HEMK1: variants seen among roughly 807,000 people sequenced by gnomAD.
HEMK1 encodes the protein HemK methyltransferase 1, mitochondrial release factors N(5)-glutamine, also known as MTRF1L release factor glutamine methyltransferase.
A neutral mutation model predicts 47.9 loss-of-function variants in HEMK1; 36 were observed. The observed-to-expected ratio is 0.75, with a 90% CI of 0.58 to 0.99. The LOEUF (loss-of-function observed/expected upper bound fraction) is 0.99. Among genes scored for constraint, HEMK1 ranks in the 50% least tolerant of loss-of-function variants. The pLI is 0.00. For synonymous variants in HEMK1, 153 were observed against 165.4 expected (o/e 0.93, Z 0.57); for missense variants, 383 against 434.5 (o/e 0.88, Z 1.05).
Position 50,586,276 on chromosome 3 carries a change from A to G in HEMK1, c.*5859A>G, listed in dbSNP as rs1016444133. On this transcript the variant is annotated 3_prime_UTR_variant, in exon 11 of 11. Transcript: ENST00000232854. Reference sequence around the variant, plus strand: ...AGAGGCCCCTTTTCTTCCAAAGACTACCTCTCACACATACAGCAGTCCTGC... The same window carrying G: ...AGAGGCCCCTTTTCTTCCAAAGACTGCCTCTCACACATACAGCAGTCCTGC... The G allele has an allele frequency of 6.6e-6, 1 of 152,204 alleles. No individual in the cohort carries two copies. The highest frequency in any genetic ancestry group is 1.5e-5 in the Non-Finnish European group (1 of 68,026). The allele number at this position is 152,204 out of a possible 1,614,324, so 9.4% of individuals were successfully genotyped here.
rs946964026 is a variant in HEMK1 at position 50,584,834 on chromosome 3, T to C, written c.*4417T>C. The C allele has an allele frequency of 6.6e-6, 1 of 152,230 alleles. No individual in the cohort carries two copies. Among genetic ancestry groups the C allele is most frequent in the Non-Finnish European group, 1.5e-5 (1 of 68,044 alleles). 9.4% of individuals were successfully genotyped at this position (152,230 alleles called of 1,614,324 possible). A position where few individuals can be genotyped will look rare whatever the true frequency, so the allele number is the denominator to read the frequency against. On this transcript the variant is annotated 3_prime_UTR_variant, in exon 11 of 11. Transcript: ENST00000232854. Reference sequence around the variant, plus strand: ...TGTGGTGCCCAAATTAGAGTGCTGCTGTAACACACGCCTACTGATTGAAGT... The same window carrying C: ...TGTGGTGCCCAAATTAGAGTGCTGCCGTAACACACGCCTACTGATTGAAGT...
In HEMK1 at chr3:50,571,799, G is replaced by T; in HGVS notation, c.318G>T (p.Gln106His). The part of the protein sequence containing the change: ...CIRELSSRRL[Q>H]RMPVQYILGE... ...GGGAGCTGAGTAGCCGTCGATTGCA[G>T]AGGTGAGCACCCATGGATCAGACCT... The change falls in exon 3 of 11, where the codon CAG (glutamine) becomes CAT (histidine). Residue 106 changes from glutamine (Q) to histidine (H), a missense_variant and splice_region_variant. Physicochemically the swap from Gln to His is conservative, Grantham distance 24 (BLOSUM62 0). Coordinates refer to ENST00000232854, the MANE Select transcript of HEMK1 (RefSeq NM_016173.5). 1 of 1,613,818 alleles carries T rather than the reference G, an allele frequency of 6.2e-7. No individual in the cohort carries two copies. The highest frequency in any genetic ancestry group is 8.5e-7 in the Non-Finnish European group (1 of 1,179,686).
chr3:50,584,765 T>C lies in HEMK1; in HGVS notation c.*4348T>C, dbSNP rs12496028. On this transcript the variant is annotated 3_prime_UTR_variant, in exon 11 of 11. Transcript: ENST00000232854. The stretch of plus-strand genomic sequence containing the variant: ...TTGTTTTCACATGTGTGAAAACACA[T>C]GTGTGATAATTTGTTACAGCAGCCA... The C allele has an allele frequency of 1.5e-5, 2 of 137,006 alleles. No homozygotes were observed. The highest frequency in any genetic ancestry group is 4.2e-4 in the East Asian group (1 of 2,364). The allele number at this position is 137,006 out of a possible 1,614,324, so 8.5% of individuals were successfully genotyped here. A position where few individuals can be genotyped will look rare whatever the true frequency, so the allele number is the denominator to read the frequency against.
chr3:50,572,788 G>A (rs1701155611), intron 4 of HEMK1, among the ~76,000 whole-genome samples: 1 of 152,282 alleles, frequency 6.6e-6, no homozygotes, highest in Non-Finnish European at 1.5e-5. Context: ...TGTGGCGCAA[G>A]TGTGTTATCC....
rs1433134202 is a variant in HEMK1, at chr3:50,581,150, TG to T, written c.*737del. ...AAACATCCCTCCCGAGTTGACCCCC[TG>T]GGGTTTCAAATAACCCATGTGTCCC... On this transcript the variant is annotated 3_prime_UTR_variant, in exon 11 of 11. Coordinates refer to ENST00000232854, the MANE Select transcript of HEMK1 (RefSeq NM_016173.5). 2.0e-5 allele frequency: 3 copies of T among 152,252 alleles called. No homozygotes were observed. The East Asian group carries it at 5.8e-4, about 29-fold the overall frequency. The allele number at this position is 152,252 out of a possible 1,614,324, so 9.4% of individuals were successfully genotyped here. A position where few individuals can be genotyped will look rare whatever the true frequency, so the allele number is the denominator to read the frequency against.
chr3:50,579,781 G>A, intron 8 of HEMK1, 63 bp from the exon 9 acceptor site: 2 of 1,214,096 alleles, frequency 1.6e-6, no homozygotes, highest in East Asian at 2.4e-5. Context: ...CCTTGCCCAT[G>A]CCCTCCATGC....
chr3:50,572,261 C>G, intron 4 of HEMK1, 53 bp downstream of exon 4: 1 of 1,573,090 alleles, frequency 6.4e-7, no homozygotes. Flanking sequence ...GAGTTCAGGG[C>G]ACCAGTCTTA....
chr3:50,572,569 T>G (rs1007545313), intron 4 of HEMK1, among the ~76,000 whole-genome samples: 1 of 152,272 alleles, frequency 6.6e-6, no homozygotes, highest in South Asian at 2.1e-4. Flanking sequence ...TCAGGAGGCA[T>G]GGAGGAAGTG....
Position 50,570,919 on chromosome 3 carries a change from TCTCA to T in HEMK1, c.-174-8_-174-5del. ...AAGGCTCACCTGCTTTCCTGGTTCC[TCTCA>T]CTCCCAGGGTGGCAACCAACTATAT... On this transcript the variant is annotated splice_polypyrimidine_tract_variant and splice_region_variant and intron_variant, in intron 1 of 10. Transcript: ENST00000232854. 2.0e-6 allele frequency: 1 copy of T among 491,726 alleles called. No homozygotes were observed. Among genetic ancestry groups the T allele is most frequent in the East Asian group, 3.4e-5 (1 of 29,656 alleles). 30.5% of individuals were successfully genotyped at this position (491,726 alleles called of 1,614,324 possible).
chr3:50,576,341 G>A (rs555145389), intron 4 of HEMK1, among the ~76,000 whole-genome samples: 1 of 152,332 alleles, frequency 6.6e-6, no homozygotes, highest in African/African-American at 2.4e-5. Context: ...ATTAATACAG[G>A]AAAAACTCTG....
At position 50,571,157 on chromosome 3, in the gene HEMK1, G is replaced by A. The variant is rs1575887151; in HGVS notation, c.53G>A (p.Arg18Lys). Reference sequence around the variant, plus strand: ...GCCCTCCTGTCTGGCCCAGGGAGGAGGGGAAGTACCCGGGGCTGGGCCTTC... The same window carrying A: ...GCCCTCCTGTCTGGCCCAGGGAGGAAGGGAAGTACCCGGGGCTGGGCCTTC... ...LWALLSGPGR[R>K]GSTRGWAFSS... The change falls in exon 2 of 11, where the codon AGG (arginine) becomes AAG (lysine). Residue 18 changes from arginine (R) to lysine (K), a missense_variant. Physicochemically the swap from Arg to Lys is conservative, Grantham distance 26 (BLOSUM62 2). Coordinates refer to ENST00000232854, the MANE Select transcript of HEMK1 (RefSeq NM_016173.5). 1.9e-6 allele frequency: 3 copies of A among 1,613,306 alleles called. No individual in the cohort carries two copies. Among genetic ancestry groups the A allele is most frequent in the Middle Eastern group, 1.7e-4 (1 of 6,032 alleles).
Position 50,584,551 on chromosome 3 carries a change from T to C in HEMK1, c.*4134T>C, listed in dbSNP as rs1386813636. The C allele has an allele frequency of 2.0e-5, 3 of 152,110 alleles. No individual in the cohort carries two copies. Among genetic ancestry groups the C allele is most frequent in the East Asian group, 1.9e-4 (1 of 5,198 alleles). The allele number at this position is 152,110 out of a possible 1,614,324, so 9.4% of individuals were successfully genotyped here. The stretch of plus-strand genomic sequence containing the variant: ...TGTCAGAGTGACGGAAGAAAATGTA[T>C]GTAACAATGGAAGCAGAGGTCAGAG... On this transcript the variant is annotated 3_prime_UTR_variant, in exon 11 of 11. Coordinates refer to ENST00000232854, the MANE Select transcript of HEMK1 (RefSeq NM_016173.5).
rs1216391291 is a variant in HEMK1 at position 50,577,878 on chromosome 3, ACCCTC to A, written c.664+8_664+12del. On this transcript the variant is annotated splice_donor_5th_base_variant and intron_variant, in intron 7 of 10. Transcript: ENST00000232854. ...CATCCACCTCGACATGACCTCAGGT[ACCCTC>A]CCCTGCATGTTCCTTGAGAGAGGGA... is the stretch of plus-strand genomic sequence containing the variant. 6.2e-7 allele frequency: 1 copy of A among 1,613,784 alleles called. No homozygotes were observed. The highest frequency in any genetic ancestry group is 1.1e-5 in the South Asian group (1 of 91,070).
rs1200503281 is a variant in HEMK1 at position 50,586,919 on chromosome 3, G to C, written c.*6502G>C. ...CCAAGCAAAGCAAACTAGGACTACA[G>C]GTGTGAACAACCCTGCCTGGCTAAT... On this transcript the variant is annotated 3_prime_UTR_variant, in exon 11 of 11. Transcript: ENST00000232854. The C allele has an allele frequency of 6.6e-6, 1 of 152,134 alleles. No individual in the cohort carries two copies. Among genetic ancestry groups the C allele is most frequent in the Admixed American group, 6.5e-5 (1 of 15,276 alleles). The allele number at this position is 152,134 out of a possible 1,614,324, so 9.4% of individuals were successfully genotyped here.
At chr3:50,577,972 A>AACAGCCAC in intron 7 of HEMK1, 97 bp downstream of exon 7, 5 of 1,080,702 alleles carry the variant, frequency 4.6e-6, no homozygotes, top group Non-Finnish European at 5.8e-6. Context: ...GAGCTCCCCC[A>AACAGCCAC]ACAGCCACAC....
chr3:50,576,962 G>A (rs567394892), intron 4 of HEMK1, 90 bp from the exon 5 acceptor site: 85 of 1,506,386 alleles, frequency 5.6e-5, no homozygotes, highest in South Asian at 7.2e-5. Context: ...CCCTTCCTAC[G>A]TTCACAAGGG....
rs138535064 is a variant in HEMK1 at position 50,584,626 on chromosome 3, T to C, written c.*4209T>C. ...CATGAGCCGAGGAATGCAGACAGCC[T>C]CTTCTCCTCTGGGGCCTCAAGAAGA... On this transcript the variant is annotated 3_prime_UTR_variant, in exon 11 of 11. Coordinates refer to ENST00000232854, the MANE Select transcript of HEMK1 (RefSeq NM_016173.5). The C allele has an allele frequency of 9.2e-5, 14 of 152,266 alleles. No homozygotes were observed. The highest frequency in any genetic ancestry group is 3.4e-3 in the Middle Eastern group (1 of 294). 9.4% of individuals were successfully genotyped at this position (152,266 alleles called of 1,614,324 possible).
chr3:50,571,704 G>T lies in HEMK1; in HGVS notation c.229-6G>T. On this transcript the variant is annotated splice_polypyrimidine_tract_variant and splice_region_variant and intron_variant, in intron 2 of 10. Transcript: ENST00000232854. ...AGCCAGCCACTTATATTCTCTGTGGGGACAGTTTCAGAGCCTGAGGCCGGC... is the reference window on the plus strand; with the variant it reads ...AGCCAGCCACTTATATTCTCTGTGGTGACAGTTTCAGAGCCTGAGGCCGGC... 6.2e-7 allele frequency: 1 copy of T among 1,613,954 alleles called. No homozygotes were observed. The highest frequency in any genetic ancestry group is 8.5e-7 in the Non-Finnish European group (1 of 1,179,820).
Position 50,585,002 on chromosome 3 carries a change from C to A in HEMK1, c.*4585C>A, listed in dbSNP as rs1559469116. 6.6e-6 allele frequency: 1 copy of A among 152,152 alleles called. No individual in the cohort carries two copies. The highest frequency in any genetic ancestry group is 6.5e-5 in the Admixed American group (1 of 15,270). The allele number at this position is 152,152 out of a possible 1,614,324, so 9.4% of individuals were successfully genotyped here. On this transcript the variant is annotated 3_prime_UTR_variant, in exon 11 of 11. Transcript: ENST00000232854. ...ACCTTCAGACCTAAACTGCCCAGGC[C>A]CCCCCTTTTTTTACTCATATTTGGA...
Sources: allele counts gnomAD v4.1 joint callset (sites outside exome capture counted in the v4.1 genomes callset), GRCh38; gene constraint gnomAD v4.1.1; transcripts MANE v1.5; gene names NCBI Gene and HGNC (gene_info 2026-07-23, HGNC 2026-07-21).